SLC4A4: variants seen among roughly 807,000 people sequenced by gnomAD.
SLC4A4 encodes solute carrier family 4 member 4.
In SLC4A4, 27 loss-of-function variants were observed where a neutral mutation model predicts 111.5. The ratio of observed to expected loss-of-function variants is 0.24; its 90% CI spans 0.18 to 0.33. The LOEUF is 0.33. SLC4A4 is among the 10% of genes least tolerant of loss of function. The pLI is 1.00. For missense variants in SLC4A4, 909 were observed against 1,315.5 expected, an observed-to-expected ratio of 0.69 and a Z score of 4.78; for synonymous variants, 443 against 463.4, an observed-to-expected ratio of 0.96 and a Z score of 0.57.
chr4:71,539,047 G>A (rs1734814699), intron 18 of SLC4A4, among the ~76,000 whole-genome samples: 1 of 152,132 alleles, frequency 6.6e-6, no homozygotes, highest in East Asian at 1.9e-4. Context: ...TCTAGAAATA[G>A]ATATGAGGTG....
intron 2 of SLC4A4, among the ~76,000 whole-genome samples, chr4:71,145,547 G>A (rs1183084136): frequency 6.6e-6 from 1 of 152,026 alleles, no homozygotes; most frequent in Non-Finnish European, 1.5e-5. Flanking sequence ...TGTACCTCTG[G>A]TAGAATTCGG....
At chr4:71,172,896 T>C (rs1170592805) in intron 2 of SLC4A4, among the ~76,000 whole-genome samples, 6 of 152,210 alleles carry the variant, frequency 3.9e-5, no homozygotes, top group Non-Finnish European at 7.3e-5. Context: ...ATGGATACTT[T>C]ACAAGATCCC....
intron 5 of SLC4A4, among the ~76,000 whole-genome samples, chr4:71,354,417 C>T (rs1247530173): frequency 6.6e-6 from 1 of 152,006 alleles, no homozygotes; most frequent in Non-Finnish European, 1.5e-5. Context: ...TTTAAATAAC[C>T]CGGAACATAT....
intron 3 of SLC4A4, among the ~76,000 whole-genome samples, chr4:71,319,934 G>T (rs1464881392): frequency 6.6e-6 from 1 of 151,940 alleles, no homozygotes; most frequent in Non-Finnish European, 1.5e-5. Flanking sequence ...ATCTCATGAA[G>T]TGAGTTCCCT....
chr4:71,195,507 T>G (rs887494440), intron 1 of SLC4A4, among the ~76,000 whole-genome samples: 1 of 152,206 alleles, frequency 6.6e-6, no homozygotes, highest in African/African-American at 2.4e-5. Context: ...ACAGACATAA[T>G]GTTAGGAAAA....
At chr4:71,430,803 G>A (rs1412140507) in intron 7 of SLC4A4, among the ~76,000 whole-genome samples, 3 of 152,106 alleles carry the variant, frequency 2.0e-5, no homozygotes, top group Non-Finnish European at 4.4e-5. Flanking sequence ...AACCTCAGCT[G>A]AAAGGGAACA....
At chr4:71,469,267 T>C (rs899167921) in intron 13 of SLC4A4, among the ~76,000 whole-genome samples, 2 of 152,010 alleles carry the variant, frequency 1.3e-5, no homozygotes, top group African/African-American at 2.4e-5. Flanking sequence ...GATTTTAACT[T>C]GTATTATTAT....
chr4:71,469,514 AG>A (rs1689216237), intron 13 of SLC4A4, among the ~76,000 whole-genome samples: 1 of 151,980 alleles, frequency 6.6e-6, no homozygotes, highest in African/African-American at 2.4e-5. Flanking sequence ...AGGAACACTG[AG>A]TGGTACCATA....
chr4:71,484,826 T>G (rs1301801607), intron 14 of SLC4A4, among the ~76,000 whole-genome samples: 1 of 151,886 alleles, frequency 6.6e-6, no homozygotes, highest in African/African-American at 2.4e-5. Flanking sequence ...TCATTTCTGT[T>G]TTCTTTAGCA....
intron 18 of SLC4A4, among the ~76,000 whole-genome samples, chr4:71,536,504 T>G (rs2364540): frequency 0.021 from 1,303 of 62,424 alleles, 18 homozygotes; most frequent in Non-Finnish European, 0.033. Flanking sequence ...ATTTATTTAT[T>G]TATTTATTTT....
chr4:71,475,097 G>T (rs1321482209), intron 14 of SLC4A4, among the ~76,000 whole-genome samples: 1 of 151,700 alleles, frequency 6.6e-6, no homozygotes, highest in Non-Finnish European at 1.5e-5. Flanking sequence ...ATAAATATAT[G>T]TGTAAGTTTA....
intron 2 of SLC4A4, among the ~76,000 whole-genome samples, chr4:71,114,599 TG>T (rs1743196204): frequency 6.6e-6 from 1 of 150,708 alleles, no homozygotes; most frequent in Non-Finnish European, 1.5e-5. Flanking sequence ...TCACCATCAC[TG>T]GCCATCAGAG....
chr4:71,267,440 G>A (rs1722351599), intron 3 of SLC4A4, among the ~76,000 whole-genome samples: 1 of 152,182 alleles, frequency 6.6e-6, no homozygotes, highest in South Asian at 2.1e-4. Flanking sequence ...AGCATGATGA[G>A]TACAAGAGTG....
At chr4:71,472,608 T>C in intron 13 of SLC4A4, 91 bp from the exon 14 acceptor site, 1 of 1,328,856 alleles carries the variant, frequency 7.5e-7, no homozygotes, top group South Asian at 1.2e-5. Flanking sequence ...CTTGTATTTT[T>C]GTCAATCTTT....
At chr4:71,217,585 C>A (rs1718512985) in intron 1 of SLC4A4, among the ~76,000 whole-genome samples, 1 of 151,960 alleles carries the variant, frequency 6.6e-6, no homozygotes, top group Non-Finnish European at 1.5e-5. Context: ...CAAAAACAAA[C>A]CACCAACAAC....
chr4:71,101,021 A>G (rs951756295), intron 2 of SLC4A4, among the ~76,000 whole-genome samples: 1 of 152,202 alleles, frequency 6.6e-6, no homozygotes, highest in African/African-American at 2.4e-5. Flanking sequence ...GCACTTTGGG[A>G]GGCTGAGGCA....
chr4:71,273,049 T>G (rs1722806240), intron 3 of SLC4A4, among the ~76,000 whole-genome samples: 1 of 152,300 alleles, frequency 6.6e-6, no homozygotes, highest in East Asian at 1.9e-4. Context: ...ATCACTACAA[T>G]AAGAATAGGT....
At chr4:71,113,681 C>T (rs1743158574) in intron 2 of SLC4A4, among the ~76,000 whole-genome samples, 1 of 152,148 alleles carries the variant, frequency 6.6e-6, no homozygotes, top group Admixed American at 6.5e-5. Flanking sequence ...TGTCCCATAA[C>T]TTATGGAGTG....
At chr4:71,443,255 A>G (rs761054722) in intron 8 of SLC4A4, among the ~76,000 whole-genome samples, 20 of 150,390 alleles carry the variant, frequency 1.3e-4, no homozygotes, top group Non-Finnish European at 2.5e-4. Flanking sequence ...GGTTCAGGCA[A>G]TTCTCCTGCC....
Sources: allele counts gnomAD v4.1 joint callset (sites outside exome capture counted in the v4.1 genomes callset), GRCh38; gene constraint gnomAD v4.1.1; transcripts MANE v1.5; gene names NCBI Gene and HGNC (gene_info 2026-07-23, HGNC 2026-07-21).